Variants in DPYSL2 observed in about 807,000 individuals in gnomAD.
DPYSL2 encodes the protein dihydropyrimidinase-related protein 2.
Under a neutral mutation model 69.9 loss-of-function variants are expected in DPYSL2, and 13 were observed. That is an observed-to-expected ratio of 0.19 (90% CI 0.12 to 0.30). The LOEUF (loss-of-function observed/expected upper bound fraction) is 0.30, where lower values mean the gene tolerates loss of function less well. DPYSL2 is among the 10% of genes least tolerant of loss of function. The probability of loss-of-function intolerance (pLI) is 1.00; values close to 1 mark genes in which losing one functional copy is unlikely to be tolerated. For missense variants in DPYSL2, 587 were observed against 918.9 expected, an observed-to-expected ratio of 0.64 and a Z score of 4.67; for synonymous variants, 326 against 359.1, an observed-to-expected ratio of 0.91 and a Z score of 1.04.
Position 26,593,277 on chromosome 8 carries a change from G to C in DPYSL2, c.628+9294G>C, listed in dbSNP as rs181506122. On this transcript the variant is annotated intron_variant, in intron 3 of 13. Coordinates refer to ENST00000521913, the MANE Select transcript of DPYSL2 (RefSeq NM_001197293.3). The surrounding 1 kb of genome is among the most constrained non-coding windows in gnomAD (Gnocchi z 5.7). ...ACTGCACATTAGAATCCCCTGGGGA[G>C]TTGTAACAAAATGCAGAGACCAGAC... Among the ~76,000 whole-genome samples the C allele has an allele frequency of 1.4e-4, 22 of 152,274 alleles. No individual in the cohort carries two copies. The South Asian group carries it at 2.9e-3, about 20-fold the overall frequency.
intron 1 of DPYSL2, among the ~76,000 whole-genome samples, chr8:26,521,700 A>C (rs149868697): frequency 6.6e-6 from 1 of 152,038 alleles, no homozygotes; most frequent in East Asian, 1.9e-4. Context: ...AGCAATCACT[A>C]ATCTGCATTC....
At position 26,628,083 on chromosome 8, in the gene DPYSL2, G is replaced by A; in HGVS notation, c.1005+143G>A. 1.1e-5 allele frequency: 9 copies of A among 799,702 alleles called. No individual in the cohort carries two copies. The South Asian group carries it at 1.5e-4, about 13-fold the overall frequency. 49.5% of individuals were successfully genotyped at this position (799,702 alleles called of 1,614,324 possible). A position where few individuals can be genotyped will look rare whatever the true frequency, so the allele number is the denominator to read the frequency against. On this transcript the variant is annotated intron_variant, in intron 7 of 13. Coordinates refer to ENST00000521913, the MANE Select transcript of DPYSL2 (RefSeq NM_001197293.3). ...TTCTGAGAAGCTGTGGGTCACGTGTGTGTCTGTCTGTCTACGCAGGCAAAG... is the reference window on the plus strand; with the variant it reads ...TTCTGAGAAGCTGTGGGTCACGTGTATGTCTGTCTGTCTACGCAGGCAAAG...
chr8:26,599,197 T>C (rs938125521), intron 3 of DPYSL2, among the ~76,000 whole-genome samples: 1 of 152,182 alleles, frequency 6.6e-6, no homozygotes, highest in African/African-American at 2.4e-5. Flanking sequence ...CTGTGGCTTG[T>C]AGGCATTTGA....
At position 26,652,992 on chromosome 8, in the gene DPYSL2, T is replaced by C. The variant is rs1016980017; in HGVS notation, c.1777-240T>C. Among the ~76,000 whole-genome samples, 1 of 152,096 alleles carries C rather than the reference T, an allele frequency of 6.6e-6. No homozygotes were observed. Among genetic ancestry groups the C allele is most frequent in the Non-Finnish European group, 1.5e-5 (1 of 68,034 alleles). ...ATTCTTACAGGGTTTAAAGTTGAAG[T>C]GTCTTGGGGGAAAAATTGTAAGGTG... On this transcript the variant is annotated intron_variant, in intron 12 of 13. Coordinates refer to ENST00000521913, the MANE Select transcript of DPYSL2 (RefSeq NM_001197293.3). The surrounding 1 kb of genome is among the most constrained non-coding windows in gnomAD (Gnocchi z 6.3).
Position 26,626,972 on chromosome 8 carries a change from A to G in DPYSL2, c.856-243A>G, listed in dbSNP as rs1802632834. ...GGTGCAGAGCCAGGTGTCACCCAAG[A>G]GCTTCTCACTCCCGGTCCACGTCCT... On this transcript the variant is annotated intron_variant, in intron 5 of 13. Transcript: ENST00000521913. This position sits in a 1 kb window ranked among gnomAD's most constrained non-coding sequence, Gnocchi z 4.3. 6.6e-6 allele frequency among the ~76,000 whole-genome samples: 1 copy of G among 152,054 alleles called. No individual in the cohort carries two copies. Among genetic ancestry groups the G allele is most frequent in the East Asian group, 1.9e-4 (1 of 5,174 alleles).
At chr8:26,552,416 A>G (rs955822496) in intron 1 of DPYSL2, among the ~76,000 whole-genome samples, 8 of 152,256 alleles carry the variant, frequency 5.3e-5, no homozygotes, top group African/African-American at 1.9e-4. Flanking sequence ...GGCATTGAAA[A>G]CAGGAAATCA....
chr8:26,557,189 T>C (rs1801002063), intron 1 of DPYSL2, among the ~76,000 whole-genome samples: 1 of 12,444 alleles, frequency 8.0e-5, no homozygotes, highest in Non-Finnish European at 2.5e-4. Flanking sequence ...AAAAAATAAT[T>C]GATAAGCTGG....
At position 26,587,709 on chromosome 8, in the gene DPYSL2, G is replaced by T. The variant is rs953528651; in HGVS notation, c.628+3726G>T. Among the ~76,000 whole-genome samples, 5 of 152,214 alleles carry T rather than the reference G, an allele frequency of 3.3e-5. No homozygotes were observed. The highest frequency in any genetic ancestry group is 7.3e-5 in the Non-Finnish European group (5 of 68,042). ...TTGCCCTTTCCACCCAGTGGTGGGT[G>T]GGCAGAGACTGCAGACATACCCTGC... On this transcript the variant is annotated intron_variant, in intron 3 of 13. Transcript: ENST00000521913. The surrounding 1 kb of genome is among the most constrained non-coding windows in gnomAD (Gnocchi z 4.2).
chr8:26,564,683 G>A lies in DPYSL2; in HGVS notation c.355-17286G>A, dbSNP rs1322671567. ...TGACAGCTGCTGAGAGGTGTGAGAG[G>A]GTGGCCAGATCAAGGACCAGTGGGA... On this transcript the variant is annotated intron_variant, in intron 1 of 13. Coordinates refer to ENST00000521913, the MANE Select transcript of DPYSL2 (RefSeq NM_001197293.3). The surrounding 1 kb of genome is among the most constrained non-coding windows in gnomAD (Gnocchi z 4.8). Among the ~76,000 whole-genome samples the A allele has an allele frequency of 6.6e-6, 1 of 152,128 alleles. No individual in the cohort carries two copies. The highest frequency in any genetic ancestry group is 1.5e-5 in the Non-Finnish European group (1 of 68,024).
chr8:26,578,491 C>A, intron 1 of DPYSL2: 6 of 1,442,674 alleles, frequency 4.2e-6, no homozygotes, highest in Non-Finnish European at 5.4e-6. Context: ...GCATCGTTTG[C>A]AAGGCATTAA....
intron 1 of DPYSL2, among the ~76,000 whole-genome samples, chr8:26,526,478 T>C (rs559873820): frequency 6.6e-6 from 1 of 152,256 alleles, no homozygotes; most frequent in Non-Finnish European, 1.5e-5. Context: ...TTTTAGACAG[T>C]TTTATTATCT....
At chr8:26,607,588 A>G (rs934941240) in intron 3 of DPYSL2, among the ~76,000 whole-genome samples, 2 of 151,554 alleles carry the variant, frequency 1.3e-5, no homozygotes, top group Non-Finnish European at 2.9e-5. Context: ...CCAGAAATTC[A>G]AGACCAGCCT....
chr8:26,556,043 G>A (rs1408135039), intron 1 of DPYSL2, among the ~76,000 whole-genome samples: 1 of 86,832 alleles, frequency 1.2e-5, no homozygotes, highest in Non-Finnish European at 2.1e-5. Context: ...TATATATATA[G>A]TTTATAGTAT....
At chr8:26,528,773 G>A (rs1044696577) in intron 1 of DPYSL2, among the ~76,000 whole-genome samples, 1 of 152,244 alleles carries the variant, frequency 6.6e-6, no homozygotes, top group African/African-American at 2.4e-5. Flanking sequence ...TTGGGCAGGA[G>A]GCAGAGGGAG....
In DPYSL2 at chr8:26,615,550, A is replaced by G. The variant is rs548789120; in HGVS notation, c.629-8593A>G. Among the ~76,000 whole-genome samples, 16 of 152,136 alleles carry G rather than the reference A, an allele frequency of 1.1e-4. 1 individual carries two copies. In the South Asian group the frequency reaches 2.3e-3, roughly 22 times the overall value. On this transcript the variant is annotated intron_variant, in intron 3 of 13. Coordinates refer to ENST00000521913, the MANE Select transcript of DPYSL2 (RefSeq NM_001197293.3). ...CATAGTTCCATGACTCCCTTGGAGG[A>G]AGAGGCTAAAGTTGTCTAGAGGCAG...
At chr8:26,518,713 C>T (rs1247479770) in intron 1 of DPYSL2, among the ~76,000 whole-genome samples, 4 of 152,158 alleles carry the variant, frequency 2.6e-5, no homozygotes, top group Non-Finnish European at 5.9e-5. Context: ...ATGTTCTTTG[C>T]GACTGGCTTA....
In DPYSL2 at chr8:26,598,754, A is replaced by G. The variant is rs1801923319; in HGVS notation, c.628+14771A>G. Among the ~76,000 whole-genome samples, 1 of 152,072 alleles carries G rather than the reference A, an allele frequency of 6.6e-6. No individual in the cohort carries two copies. The highest frequency in any genetic ancestry group is 2.1e-4 in the South Asian group (1 of 4,824). ...GTGGATGGGAGCCTGACACCTGATTACAAGCTCCAGGTGAAGAGCAGGTTT... is the reference window on the plus strand; with the variant it reads ...GTGGATGGGAGCCTGACACCTGATTGCAAGCTCCAGGTGAAGAGCAGGTTT... On this transcript the variant is annotated intron_variant, in intron 3 of 13. Transcript: ENST00000521913. This position sits in a 1 kb window ranked among gnomAD's most constrained non-coding sequence, Gnocchi z 4.2.
At chr8:26,557,621 T>TAGAAAA in intron 1 of DPYSL2, among the ~76,000 whole-genome samples, 1 of 4,958 alleles carries the variant, frequency 2.0e-4, no homozygotes, top group South Asian at 8.1e-3. Context: ...CTACTAAAAA[T>TAGAAAA]ACAAAAAAAA....
intron 3 of DPYSL2, among the ~76,000 whole-genome samples, chr8:26,602,138 A>ATTTTTTTTT (rs374443692): frequency 7.4e-6 from 1 of 135,300 alleles, no homozygotes; most frequent in African/African-American, 2.7e-5. Flanking sequence ...AACAAAGGAA[A>ATTTTTTTTT]TTTTTTTTTT....
Sources: gnomAD v4.1 joint callset for allele counts (sites outside exome capture counted in the v4.1 genomes callset) on GRCh38, gnomAD v4.1.1 for gene constraint, Gnocchi (gnomAD v3.1) non-coding constraint, MANE v1.5 for transcripts, NCBI Gene and HGNC (gene_info 2026-07-23, HGNC 2026-07-21) for gene names.